The following CBFA2T2 variants were observed in gnomAD, a reference collection of about 807,000 sequenced individuals.
The protein encoded by CBFA2T2 is CBFA2/RUNX1 partner transcriptional co-repressor 2, also known as protein CBFA2T2.
Under a neutral mutation model 62.2 loss-of-function variants are expected in CBFA2T2, and 11 were observed. The observed-to-expected ratio is 0.18, with a 90% CI of 0.11 to 0.29. The LOEUF is 0.29. Ranked by LOEUF, CBFA2T2 falls within the 10% of genes least tolerant of loss-of-function variation. The pLI, the probability that CBFA2T2 is intolerant of heterozygous loss-of-function variation, is 1.00. For missense variants in CBFA2T2, 592 were observed against 774.1 expected (o/e 0.76, Z 2.79); for synonymous variants, 295 against 287.5 (o/e 1.03, Z -0.27).
chr20:33,574,193 C>T (rs1568827284), intron 1 of CBFA2T2: 1 of 1,612,950 alleles, frequency 6.2e-7, no homozygotes. Flanking sequence ...AAGCAGATCA[C>T]CAGGTGAATG....
intron 1 of CBFA2T2, among the ~76,000 whole-genome samples, chr20:33,583,326 C>T (rs1264875053): frequency 6.6e-6 from 1 of 152,206 alleles, no homozygotes; most frequent in Non-Finnish European, 1.5e-5. Flanking sequence ...TGATAATTGA[C>T]CTTTTCCCAG....
At chr20:33,509,814 G>T (rs1357539728) in intron 1 of CBFA2T2, among the ~76,000 whole-genome samples, 1 of 151,076 alleles carries the variant, frequency 6.6e-6, no homozygotes, top group Non-Finnish European at 1.5e-5. Flanking sequence ...GGGAGATAGA[G>T]TAAAACTCTT....
intron 1 of CBFA2T2, among the ~76,000 whole-genome samples, chr20:33,534,036 C>G (rs2146871814): frequency 6.6e-6 from 1 of 152,152 alleles, no homozygotes; most frequent in Non-Finnish European, 1.5e-5. Flanking sequence ...GGGTTCGAGC[C>G]CAGGCTAGTC....
At chr20:33,611,668 G>A (rs377122305) in intron 3 of CBFA2T2, among the ~76,000 whole-genome samples, 18 of 151,976 alleles carry the variant, frequency 1.2e-4, no homozygotes, top group Admixed American at 8.5e-4. Flanking sequence ...TGTGCATGCC[G>A]CCATGCCCAG....
chr20:33,598,406 A>AC (rs1453024919), intron 1 of CBFA2T2, among the ~76,000 whole-genome samples: 1 of 152,170 alleles, frequency 6.6e-6, no homozygotes, highest in African/African-American at 2.4e-5. Flanking sequence ...GGGATGTTCC[A>AC]TGCTGAGAAA....
chr20:33,542,509 G>C (rs1445520271), intron 1 of CBFA2T2, among the ~76,000 whole-genome samples: 1 of 151,778 alleles, frequency 6.6e-6, no homozygotes, highest in Non-Finnish European at 1.5e-5. Flanking sequence ...TAAAGCTTCT[G>C]AATACTCTCT....
chr20:33,536,165 A>G (rs887989399), intron 1 of CBFA2T2, among the ~76,000 whole-genome samples: 17 of 152,066 alleles, frequency 1.1e-4, no homozygotes, highest in Non-Finnish European at 1.9e-4. Context: ...ATCCCGGCCC[A>G]TTCTCAATGA....
chr20:33,617,143 G>T (rs1169989706), intron 3 of CBFA2T2, among the ~76,000 whole-genome samples: 2 of 152,098 alleles, frequency 1.3e-5, no homozygotes, highest in African/African-American at 4.8e-5. Context: ...GGCCAAGGTG[G>T]GCGGATCACG....
chr20:33,505,847 T>A (rs1159202882), intron 1 of CBFA2T2, among the ~76,000 whole-genome samples: 2 of 151,782 alleles, frequency 1.3e-5, no homozygotes, highest in Non-Finnish European at 2.9e-5. Context: ...TCCTAACACT[T>A]TGGGAGGCTG....
chr20:33,587,548 G>C (rs574946056), intron 1 of CBFA2T2, among the ~76,000 whole-genome samples: 10 of 152,258 alleles, frequency 6.6e-5, no homozygotes, highest in African/African-American at 1.9e-4. Flanking sequence ...TTACAGGCGT[G>C]AGCCACCGCG....
At chr20:33,558,682 T>C (rs991700279) in intron 1 of CBFA2T2, among the ~76,000 whole-genome samples, 2 of 152,162 alleles carry the variant, frequency 1.3e-5, no homozygotes, top group African/African-American at 4.8e-5. Flanking sequence ...CAGGTGTCTC[T>C]CGTTTTATAA....
At chr20:33,643,825 ATGTGTGTGTGTGTGTGTGTGTG>A (rs58366038) in intron 10 of CBFA2T2, among the ~76,000 whole-genome samples, 1 of 73,386 alleles carries the variant, frequency 1.4e-5, no homozygotes, top group African/African-American at 5.9e-5. Context: ...ATAGTATATA[ATGTGTGTGTGTGTGTGTGTGTG>A]TGTGTGTGTG....
At chr20:33,503,403 C>T (rs1262169732) in intron 1 of CBFA2T2, among the ~76,000 whole-genome samples, 2 of 151,450 alleles carry the variant, frequency 1.3e-5, no homozygotes, top group South Asian at 2.1e-4. Flanking sequence ...TACAGGCGCC[C>T]GCCATCAGGC....
At chr20:33,640,230 G>T in intron 9 of CBFA2T2, 111 bp from the exon 10 acceptor site, 1 of 966,680 alleles carries the variant, frequency 1.0e-6, no homozygotes. Flanking sequence ...TCCTCCCTGT[G>T]GAGTTTTAGA....
At chr20:33,637,240 T>C (rs1029565307) in intron 9 of CBFA2T2, among the ~76,000 whole-genome samples, 7 of 152,246 alleles carry the variant, frequency 4.6e-5, no homozygotes, top group Non-Finnish European at 7.3e-5. Context: ...GAACCTCACA[T>C]CACTAATGTC....
intron 1 of CBFA2T2, among the ~76,000 whole-genome samples, chr20:33,551,162 A>G (rs1219713729): frequency 1.3e-5 from 2 of 151,942 alleles, no homozygotes; most frequent in Non-Finnish European, 2.9e-5. Context: ...AAAATATACA[A>G]TTAACTGTTG....
At chr20:33,635,270 T>C (rs905139244) in intron 8 of CBFA2T2, among the ~76,000 whole-genome samples, 1 of 152,184 alleles carries the variant, frequency 6.6e-6, no homozygotes, top group African/African-American at 2.4e-5. Flanking sequence ...CTACAATTTT[T>C]CAAAAAATGC....
At chr20:33,545,759 T>A (rs1048813970) in intron 1 of CBFA2T2, among the ~76,000 whole-genome samples, 3 of 152,252 alleles carry the variant, frequency 2.0e-5, no homozygotes, top group African/African-American at 7.2e-5. Flanking sequence ...TTTTCTTATC[T>A]TTTTGCAGTC....
intron 1 of CBFA2T2, among the ~76,000 whole-genome samples, chr20:33,512,860 T>C (rs1384125051): frequency 6.6e-6 from 1 of 151,882 alleles, no homozygotes; most frequent in South Asian, 2.1e-4. Context: ...TCAAGCCTTT[T>C]TCCTGCCTCA....
Sources: allele counts gnomAD v4.1 joint callset (sites outside exome capture counted in the v4.1 genomes callset), GRCh38; gene constraint gnomAD v4.1.1; transcripts MANE v1.5; gene names NCBI Gene and HGNC (gene_info 2026-07-23, HGNC 2026-07-21).